Variants in SFXN1 observed in about 807,000 individuals in gnomAD.
SFXN1 encodes the protein sideroflexin 1.
SFXN1 carries 32 observed loss-of-function variants against 39.5 expected under a neutral mutation model. The observed-to-expected ratio is 0.81, with a 90% confidence interval of 0.61 to 1.09. The LOEUF (loss-of-function observed/expected upper bound fraction) is 1.09. SFXN1 is among the 50% of genes least tolerant of loss of function. The pLI is 0.00. For missense variants in SFXN1, 402 were observed against 407.1 expected, an observed-to-expected ratio of 0.99 and a Z score of 0.11; for synonymous variants, 136 against 146.5, an observed-to-expected ratio of 0.93 and a Z score of 0.52.
chr5:175,508,053 C>G (rs960604600), intron 2 of SFXN1, among the ~76,000 whole-genome samples: 7 of 151,172 alleles, frequency 4.6e-5, no homozygotes, highest in Non-Finnish European at 7.4e-5. Flanking sequence ...CCTTGATTAC[C>G]ATAACTTTTG....
At chr5:175,526,574 C>G in intron 10 of SFXN1, 64 bp from the exon 11 acceptor site, 1 of 1,377,688 alleles carries the variant, frequency 7.3e-7, no homozygotes, top group Non-Finnish European at 1.0e-6. Context: ...TCTCCCTGCT[C>G]TTTCTAGGTC....
At chr5:175,512,933 T>C (rs1760572743) in intron 6 of SFXN1, among the ~76,000 whole-genome samples, 1 of 152,194 alleles carries the variant, frequency 6.6e-6, no homozygotes, top group African/African-American at 2.4e-5. Flanking sequence ...GTACACCCTG[T>C]TTTAAAAGTT....
chr5:175,500,445 CACACACACAA>C (rs1458761257), intron 2 of SFXN1, among the ~76,000 whole-genome samples: 4 of 125,886 alleles, frequency 3.2e-5, no homozygotes, highest in African/African-American at 1.4e-4. Flanking sequence ...CACACACACA[CACACACACAA>C]ATTACAGAGA....
At chr5:175,511,680 A>G (rs538893698) in intron 5 of SFXN1, 154 bp downstream of exon 5, 7 of 666,692 alleles carry the variant, frequency 1.0e-5, no homozygotes, top group South Asian at 1.9e-5. Flanking sequence ...ATATCTTCCA[A>G]TAAGTTTGGG....
intron 1 of SFXN1, among the ~76,000 whole-genome samples, chr5:175,490,789 T>TTAAAGGTATA (rs1554099940): frequency 1.3e-3 from 198 of 152,156 alleles, no homozygotes; most frequent in Non-Finnish European, 2.3e-3. Flanking sequence ...CACTTAAACA[T>TTAAAGGTATA]TAAAGGTGTA....
intron 1 of SFXN1, among the ~76,000 whole-genome samples, chr5:175,491,028 T>C (rs1347690419): frequency 6.6e-6 from 1 of 152,238 alleles, no homozygotes; most frequent in African/African-American, 2.4e-5. Flanking sequence ...AATAAGCTTG[T>C]ATTTTTCGGA....
intron 8 of SFXN1, among the ~76,000 whole-genome samples, chr5:175,517,006 C>T (rs906896835): frequency 2.6e-5 from 4 of 152,160 alleles, no homozygotes; most frequent in Admixed American, 2.0e-4. Flanking sequence ...AAAAATCATT[C>T]GGAGTAGCAG....
intron 8 of SFXN1, among the ~76,000 whole-genome samples, chr5:175,517,481 C>G (rs1167575449): frequency 6.6e-6 from 1 of 152,044 alleles, no homozygotes; most frequent in Non-Finnish European, 1.5e-5. Flanking sequence ...AGTCCTGGCA[C>G]CTCACTGGCT....
At chr5:175,491,007 C>T (rs267379) in intron 1 of SFXN1, among the ~76,000 whole-genome samples, 91,935 of 152,098 alleles carry the variant, frequency 0.6, 28,036 homozygotes, top group Non-Finnish European at 0.64. Context: ...TCTTTATTCT[C>T]TATTTTCTGT....
At chr5:175,483,836 CAGG>C (rs1316947630) in intron 1 of SFXN1, 1 of 152,320 alleles carries the variant, frequency 6.6e-6, no homozygotes, top group Non-Finnish European at 1.5e-5. Flanking sequence ...CTCAAAGCCT[CAGG>C]TGAACAGGGC....
rs911838787 is a variant in SFXN1 at position 175,513,549 on chromosome 5, A to C, written c.683A>C (p.Gln228Pro). 6.2e-7 allele frequency: 1 copy of C among 1,613,748 alleles called. No homozygotes were observed. The highest frequency in any genetic ancestry group is 1.3e-5 in the African/African-American group (1 of 74,854). ...SANAAKQAITQVVVSRILMAA... is the reference protein window; with the variant it reads ...SANAAKQAITPVVVSRILMAA... ...AACGCTGCGAAACAAGCCATCACGCAAGTTGTCGTGTCCAGGATTCTCATG... is the reference window on the plus strand; with the variant it reads ...AACGCTGCGAAACAAGCCATCACGCCAGTTGTCGTGTCCAGGATTCTCATG... Residue 228 changes from glutamine (Q) to proline (P), a missense_variant, in exon 7 of 11, where the codon CAA becomes CCA. Transcript: ENST00000321442.
chr5:175,522,605 T>G (rs1419684769), intron 10 of SFXN1, 183 bp downstream of exon 10: 9 of 531,244 alleles, frequency 1.7e-5, no homozygotes, highest in African/African-American at 1.5e-4. Flanking sequence ...TAATTTCAGA[T>G]GCACCCAGCT....
Position 175,528,815 on chromosome 5 carries a change from G to C in SFXN1, c.*2081G>C, listed in dbSNP as rs1761155163. 6.6e-6 allele frequency: 1 copy of C among 152,150 alleles called. No individual in the cohort carries two copies. The highest frequency in any genetic ancestry group is 1.5e-5 in the Non-Finnish European group (1 of 68,040). The allele number at this position is 152,150 out of a possible 1,614,324, so 9.4% of individuals were successfully genotyped here. Reference sequence around the variant, plus strand: ...CGCGTCTCTTTATAAAGTGGTAAAAGCCTGAAATTCAGGGCAGCTCTCCAT... The same window carrying C: ...CGCGTCTCTTTATAAAGTGGTAAAACCCTGAAATTCAGGGCAGCTCTCCAT... On this transcript the variant is annotated 3_prime_UTR_variant, in exon 11 of 11. Transcript: ENST00000321442.
intron 1 of SFXN1, among the ~76,000 whole-genome samples, chr5:175,489,095 G>A (rs1451466615): frequency 2.1e-5 from 3 of 145,466 alleles, no homozygotes; most frequent in African/African-American, 7.8e-5. Flanking sequence ...AGATATTAAA[G>A]ATAGCAGCCT....
At chr5:175,514,797 T>C (rs1482231141) in intron 7 of SFXN1, among the ~76,000 whole-genome samples, 2 of 152,202 alleles carry the variant, frequency 1.3e-5, no homozygotes, top group African/African-American at 2.4e-5. Context: ...AGGAGTGCCT[T>C]GGTGCCCTGC....
chr5:175,510,810 GCTT>G (rs1402179958), intron 4 of SFXN1, among the ~76,000 whole-genome samples: 1 of 152,108 alleles, frequency 6.6e-6, no homozygotes, highest in East Asian at 1.9e-4. Flanking sequence ...AAAGAAAAGT[GCTT>G]CTCTTTTTTA....
rs749998060 is a variant in SFXN1 at position 175,509,069 on chromosome 5, T to C, written c.202T>C (p.Leu68=). 1 of 1,611,818 alleles carries C rather than the reference T, an allele frequency of 6.2e-7. No homozygotes were observed. The highest frequency in any genetic ancestry group is 8.5e-7 in the Non-Finnish European group (1 of 1,179,326). The change falls in exon 3 of 11, where the codon TTG becomes CTG. Residue 68 remains leucine (L), a synonymous_variant. Transcript: ENST00000321442. Reference sequence around the variant, plus strand: ...TCCTCCTGGTCTTACAGAAAATGAATTGTGGAGAGCAAAGTACATCTATGA... The same window carrying C: ...TCCTCCTGGTCTTACAGAAAATGAACTGTGGAGAGCAAAGTACATCTATGA... ...IVPPGLTENE[L]WRAKYIYDSA... is the part of the protein sequence containing the mutation.
At chr5:175,498,113 T>G (rs990924644) in intron 2 of SFXN1, among the ~76,000 whole-genome samples, 1 of 151,346 alleles carries the variant, frequency 6.6e-6, no homozygotes, top group African/African-American at 2.5e-5. Flanking sequence ...ATTATTAATC[T>G]TATTAATGAG....
At chr5:175,494,128 A>G (rs1759767337) in intron 2 of SFXN1, among the ~76,000 whole-genome samples, 1 of 152,230 alleles carries the variant, frequency 6.6e-6, no homozygotes, top group Non-Finnish European at 1.5e-5. Flanking sequence ...TTTCATAGCA[A>G]CAGAAAGTAA....
Sources: gnomAD v4.1 joint callset for allele counts (sites outside exome capture counted in the v4.1 genomes callset) on GRCh38, gnomAD v4.1.1 for gene constraint, MANE v1.5 for transcripts, NCBI Gene and HGNC (gene_info 2026-07-23, HGNC 2026-07-21) for gene names.